DLGAP2: variants seen among roughly 807,000 people sequenced by gnomAD.
The protein encoded by DLGAP2 is disks large-associated protein 2.
A neutral mutation model predicts 100.3 loss-of-function variants in DLGAP2; 26 were observed. That is an observed-to-expected ratio of 0.26 (90% CI 0.19 to 0.36). The LOEUF (loss-of-function observed/expected upper bound fraction) is 0.36, where lower values mean the gene tolerates loss of function less well. Ranked by LOEUF, DLGAP2 falls within the 10% of genes least tolerant of loss-of-function variation. DLGAP2 has a pLI of 1.00. For missense variants in DLGAP2, 1,858 were observed against 1,453.2 expected (o/e 1.28, Z -4.53); for synonymous variants, 886 against 630.1 (o/e 1.41, Z -6.08).
rs765574644 is a variant in DLGAP2 at position 1,017,463 on chromosome 8, CTG to C, written c.73+109506_73+109507del. Among the ~76,000 whole-genome samples, 9 of 65,616 alleles carry C rather than the reference CTG, an allele frequency of 1.4e-4. No individual in the cohort carries two copies. The East Asian group carries it at 2.4e-3, about 17-fold the overall frequency. 43.0% of individuals were successfully genotyped at this position (65,616 alleles called of 152,430 possible). A position where few individuals can be genotyped will look rare whatever the true frequency, so the allele number is the denominator to read the frequency against. ...ATGACCAGGACAGACGGTGCCTCCACTGTGTGTGTGACCAGGACAGACGGCGC... is the reference window on the plus strand; with the variant it reads ...ATGACCAGGACAGACGGTGCCTCCACTGTGTGTGACCAGGACAGACGGCGC... On this transcript the variant is annotated intron_variant, in intron 2 of 14. Coordinates refer to ENST00000637795, the MANE Select transcript of DLGAP2 (RefSeq NM_001346810.2).
At chr8:1,420,649 G>C (rs531491758) in intron 3 of DLGAP2, among the ~76,000 whole-genome samples, 1 of 152,220 alleles carries the variant, frequency 6.6e-6, no homozygotes, top group African/African-American at 2.4e-5. Context: ...GACCCAATTT[G>C]TGCCTCCGAC....
At chr8:1,242,262 G>C (rs1367561660) in intron 2 of DLGAP2, among the ~76,000 whole-genome samples, 2 of 152,330 alleles carry the variant, frequency 1.3e-5, no homozygotes, top group East Asian at 3.9e-4. Flanking sequence ...GGAGGTCGGG[G>C]GAAAGGGGTT....
chr8:1,272,510 A>C (rs539654434), intron 3 of DLGAP2, among the ~76,000 whole-genome samples: 1 of 152,118 alleles, frequency 6.6e-6, no homozygotes, highest in Admixed American at 6.6e-5. Context: ...TATAGAATAT[A>C]TATTCACATC....
In DLGAP2 at chr8:1,132,664, G is replaced by C. The variant is rs542984835; in HGVS notation, c.74-126187G>C. Among the ~76,000 whole-genome samples, 18 of 152,302 alleles carry C rather than the reference G, an allele frequency of 1.2e-4. No homozygotes were observed. In the South Asian group the frequency reaches 3.5e-3, roughly 30 times the overall value. ...AGAAGGCGTTTACTGGAGAGCACTG[G>C]GCAAGGAGACCAGGCAGCTGCCGCT... On this transcript the variant is annotated intron_variant, in intron 2 of 14. Transcript: ENST00000637795.
intron 8 of DLGAP2, among the ~76,000 whole-genome samples, chr8:1,637,310 C>T (rs918127084): frequency 2.0e-5 from 3 of 152,136 alleles, no homozygotes; most frequent in African/African-American, 7.2e-5. Flanking sequence ...GCTGGAGGTT[C>T]TGTGAGCCAC....
chr8:1,671,631 C>T (rs981877196), intron 10 of DLGAP2, among the ~76,000 whole-genome samples: 14 of 152,224 alleles, frequency 9.2e-5, no homozygotes, highest in Non-Finnish European at 1.0e-4. Flanking sequence ...ATTATAATTA[C>T]TGGGCTACGT....
At chr8:914,108 A>T (rs924286943) in intron 2 of DLGAP2, among the ~76,000 whole-genome samples, 1 of 152,212 alleles carries the variant, frequency 6.6e-6, no homozygotes, top group Non-Finnish European at 1.5e-5. Flanking sequence ...CAGATACTAA[A>T]ATTATTTATA....
intron 6 of DLGAP2, among the ~76,000 whole-genome samples, chr8:1,600,272 T>A (rs1796584480): frequency 1.3e-5 from 2 of 152,196 alleles, no homozygotes; most frequent in African/African-American, 4.8e-5. Flanking sequence ...CCTTTGTGGG[T>A]AACCTGACCT....
chr8:741,355 C>G (rs1182855853), intron 1 of DLGAP2, among the ~76,000 whole-genome samples: 2 of 152,202 alleles, frequency 1.3e-5, no homozygotes, highest in Non-Finnish European at 2.9e-5. Context: ...AGTAGGAGCT[C>G]ATTTGTAAAG....
Position 855,804 on chromosome 8 carries a change from G to A in DLGAP2, c.19-52108G>A, listed in dbSNP as rs533515522. Among the ~76,000 whole-genome samples the A allele has an allele frequency of 3.9e-5, 6 of 152,316 alleles. No individual in the cohort carries two copies. The East Asian group carries it at 1.2e-3, about 29-fold the overall frequency. On this transcript the variant is annotated intron_variant, in intron 1 of 14. Transcript: ENST00000637795. ...CAGCAGGCTAAAGAAGAGAAGTCCT[G>A]TGGTCATATTCATAGATGCAGAAAA...
chr8:812,747 G>A (rs1308706085), intron 1 of DLGAP2, among the ~76,000 whole-genome samples: 1 of 152,090 alleles, frequency 6.6e-6, no homozygotes, highest in East Asian at 1.9e-4. Flanking sequence ...GCAATCATAC[G>A]GCATACAGGA....
chr8:838,592 C>G (rs1243646947), intron 1 of DLGAP2, among the ~76,000 whole-genome samples: 1 of 151,944 alleles, frequency 6.6e-6, no homozygotes, highest in African/African-American at 2.4e-5. Context: ...ATTTCCCTTT[C>G]TAGCTTGGAC....
At position 1,528,391 on chromosome 8, in the gene DLGAP2, A is replaced by C. The variant is rs926883203; in HGVS notation, c.173-20235A>C. On this transcript the variant is annotated intron_variant, in intron 4 of 14. Coordinates refer to ENST00000637795, the MANE Select transcript of DLGAP2 (RefSeq NM_001346810.2). Reference sequence around the variant, plus strand: ...CAGTGCCAGGGATGAGGGCAGAGGAAGAAAGTAAAGCAAAACAGAAGACGT... The same window carrying C: ...CAGTGCCAGGGATGAGGGCAGAGGACGAAAGTAAAGCAAAACAGAAGACGT... 2.4e-4 allele frequency among the ~76,000 whole-genome samples: 37 copies of C among 152,342 alleles called. No individual in the cohort carries two copies. In the Middle Eastern group the frequency reaches 0.01, roughly 42 times the overall value.
At chr8:1,272,241 G>T (rs958890662) in intron 3 of DLGAP2, among the ~76,000 whole-genome samples, 1 of 152,162 alleles carries the variant, frequency 6.6e-6, no homozygotes, top group African/African-American at 2.4e-5. Flanking sequence ...ATTTGAGTTG[G>T]TATTTCTGCA....
rs1168751101 is a variant in DLGAP2 at position 1,706,032 on chromosome 8, G to C, written c.*4626G>C. 1 of 152,214 alleles carries C rather than the reference G, an allele frequency of 6.6e-6. No individual in the cohort carries two copies. The highest frequency in any genetic ancestry group is 2.4e-5 in the African/African-American group (1 of 41,448). 9.4% of individuals were successfully genotyped at this position (152,214 alleles called of 1,614,324 possible). A position where few individuals can be genotyped will look rare whatever the true frequency, so the allele number is the denominator to read the frequency against. On this transcript the variant is annotated 3_prime_UTR_variant, in exon 15 of 15. Coordinates refer to ENST00000637795, the MANE Select transcript of DLGAP2 (RefSeq NM_001346810.2). ...TCAGCTCAGAGCCCATGGCTTCCCT[G>C]CAGGAGCCCCATCTTGTCGCTATTA...
At chr8:750,474 A>G (rs1820762778) in intron 1 of DLGAP2, among the ~76,000 whole-genome samples, 1 of 152,288 alleles carries the variant, frequency 6.6e-6, no homozygotes, top group Non-Finnish European at 1.5e-5. Context: ...GGTTTTCCTG[A>G]GTGCATAAAA....
intron 1 of DLGAP2, among the ~76,000 whole-genome samples, chr8:790,307 G>A (rs1488554136): frequency 6.6e-6 from 1 of 152,204 alleles, no homozygotes; most frequent in Non-Finnish European, 1.5e-5. Flanking sequence ...TGTGCAGGGT[G>A]CAGAGACAGG....
chr8:932,111 C>A (rs1400896454), intron 2 of DLGAP2, among the ~76,000 whole-genome samples: 1 of 152,154 alleles, frequency 6.6e-6, no homozygotes, highest in Non-Finnish European at 1.5e-5. Context: ...TGGCTAGGAT[C>A]TTGGAGGAAG....
intron 1 of DLGAP2, among the ~76,000 whole-genome samples, chr8:777,630 G>T (rs138444867): frequency 6.6e-6 from 1 of 151,322 alleles, no homozygotes; most frequent in Non-Finnish European, 1.5e-5. Flanking sequence ...GGCTGGATAT[G>T]AAATTCTGGG....
Sources: gnomAD v4.1 joint callset for allele counts (sites outside exome capture counted in the v4.1 genomes callset) on GRCh38, gnomAD v4.1.1 for gene constraint, MANE v1.5 for transcripts, NCBI Gene and HGNC (gene_info 2026-07-23, HGNC 2026-07-21) for gene names.